Variants in C10orf95 observed in about 807,000 individuals in gnomAD.
The protein encoded by C10orf95 is chromosome 10 open reading frame 95, also known as uncharacterized protein C10orf95.
For synonymous variants in C10orf95, 188 were observed against 160.4 expected (o/e 1.17, Z -1.30); for missense variants, 412 against 327.4 (o/e 1.26, Z -1.99).
Position 102,451,036 on chromosome 10 carries a change from G to T in C10orf95, c.58C>A (p.Leu20Met). The T allele has an allele frequency of 7.3e-7, 1 of 1,363,028 alleles. No homozygotes were observed. Among genetic ancestry groups the T allele is most frequent in the Non-Finnish European group, 9.5e-7 (1 of 1,057,012 alleles). 84.4% of individuals were successfully genotyped at this position (1,363,028 alleles called of 1,614,324 possible). ...KQGVWPPPPQLLTCTYLAAPL... is the reference protein window; with the variant it reads ...KQGVWPPPPQMLTCTYLAAPL... ...GCGGCCAGGTAGGTGCAGGTGAGCA[G>T]CTGCGGCGGCGGCGGCCAGACGCCC... Residue 20 changes from leucine to methionine, a missense_variant, in exon 2 of 2, where the codon CTG becomes ATG. Coordinates refer to ENST00000625129, the MANE Select transcript of C10orf95 (RefSeq NM_001363580.1).
chr10:102,451,524 G>A lies in C10orf95; in HGVS notation c.-193C>T, dbSNP rs749157212. 4 of 1,333,612 alleles carry A rather than the reference G, an allele frequency of 3.0e-6. No homozygotes were observed. The Admixed American group carries it at 8.0e-5, about 27-fold the overall frequency. 82.6% of individuals were successfully genotyped at this position (1,333,612 alleles called of 1,614,324 possible). A position where few individuals can be genotyped will look rare whatever the true frequency, so the allele number is the denominator to read the frequency against. Reference sequence around the variant, plus strand: ...AGGCAAAAGGAAACACCTTGAGCTGGCCAGGAGCTACCAGCGTCTGTCTAC... The same window carrying A: ...AGGCAAAAGGAAACACCTTGAGCTGACCAGGAGCTACCAGCGTCTGTCTAC... On this transcript the variant is annotated 5_prime_UTR_variant, in exon 1 of 2. Coordinates refer to ENST00000625129, the MANE Select transcript of C10orf95 (RefSeq NM_001363580.1).
At position 102,450,823 on chromosome 10, in the gene C10orf95, CGGCGCA is replaced by C. The variant is rs2061687741; in HGVS notation, c.265_270del (p.Cys89_Ala90del). 2 of 1,247,518 alleles carry C rather than the reference CGGCGCA, an allele frequency of 1.6e-6. No individual in the cohort carries two copies. Among genetic ancestry groups the C allele is most frequent in the African/African-American group, 3.1e-5 (2 of 63,946 alleles). The allele number at this position is 1,247,518 out of a possible 1,614,324, so 77.3% of individuals were successfully genotyped here. ...AGCGACAGTCCCGAGATGCCGGCGG[CGGCGCA>C]GGGCCGGCGCAGGGTCGTGGCGTAG... On this transcript the variant is annotated inframe_deletion, in exon 2 of 2. Coordinates refer to ENST00000625129, the MANE Select transcript of C10orf95 (RefSeq NM_001363580.1).
In C10orf95 at chr10:102,451,129, G is replaced by T. The variant is rs377649213; in HGVS notation, c.-36C>A. On this transcript the variant is annotated 5_prime_UTR_variant, in exon 2 of 2. Coordinates refer to ENST00000625129, the MANE Select transcript of C10orf95 (RefSeq NM_001363580.1). The stretch of plus-strand genomic sequence containing the variant: ...CCAGGCGGCTGCTGTTCTTACTGGG[G>T]GCTCCTGCGGATCCAGACCTGCGGC... 113 of 1,439,058 alleles carry T rather than the reference G, an allele frequency of 7.9e-5. 1 individual carries two copies. In the East Asian group the frequency reaches 2.3e-3, roughly 29 times the overall value. 89.1% of individuals were successfully genotyped at this position (1,439,058 alleles called of 1,614,324 possible).
Position 102,450,416 on chromosome 10 carries a change from G to T in C10orf95, c.*36C>A, listed in dbSNP as rs1469983608. On this transcript the variant is annotated 3_prime_UTR_variant, in exon 2 of 2. Coordinates refer to ENST00000625129, the MANE Select transcript of C10orf95 (RefSeq NM_001363580.1). ...GCACACACAGGAAAGAGCCAAGCGC[G>T]TGCACGCGGGCCCGCCCCTAGGCCT... is the stretch of plus-strand genomic sequence containing the variant. 1 of 1,524,632 alleles carries T rather than the reference G, an allele frequency of 6.6e-7. No homozygotes were observed. Among genetic ancestry groups the T allele is most frequent in the Non-Finnish European group, 8.8e-7 (1 of 1,138,514 alleles). 94.4% of individuals were successfully genotyped at this position (1,524,632 alleles called of 1,614,324 possible).
chr10:102,451,321 G>T, intron 1 of C10orf95, 65 bp downstream of exon 1: 1 of 1,513,262 alleles, frequency 6.6e-7, no homozygotes, highest in East Asian at 2.3e-5. Flanking sequence ...CAGGCTCCCA[G>T]CAGACAATAA....
In C10orf95 at chr10:102,450,865, A is replaced by G; in HGVS notation, c.229T>C (p.Cys77Arg). The G allele has an allele frequency of 8.1e-7, 1 of 1,233,542 alleles. No homozygotes were observed. The allele number at this position is 1,233,542 out of a possible 1,614,324, so 76.4% of individuals were successfully genotyped here. The change falls in exon 2 of 2, where the codon TGC becomes CGC. Residue 77 changes from cysteine (C) to arginine (R), a missense_variant. Coordinates refer to ENST00000625129, the MANE Select transcript of C10orf95 (RefSeq NM_001363580.1). The part of the protein sequence containing the change: ...PPEAAPPWWA[C>R]PPAYATTLRR... ...AGGGTCGTGGCGTAGGCCGGAGGGC[A>G]GGCCCACCAGGGCGGCGCGGCCTCG...
chr10:102,451,070 C>T lies in C10orf95; in HGVS notation c.24G>A (p.Pro8=). The change falls in exon 2 of 2, where the codon CCG becomes CCA. Residue 8 remains proline, a synonymous_variant. Transcript: ENST00000625129. MYVYSWP[P]PKQGVWPPPP... Reference sequence around the variant, plus strand: ...GCGGCGGCCAGACGCCCTGTTTGGGCGGCGGCCAGCTGTACACATACATGG... The same window carrying T: ...GCGGCGGCCAGACGCCCTGTTTGGGTGGCGGCCAGCTGTACACATACATGG... The T allele has an allele frequency of 7.4e-7, 1 of 1,358,856 alleles. No homozygotes were observed. Among genetic ancestry groups the T allele is most frequent in the Non-Finnish European group, 9.5e-7 (1 of 1,054,274 alleles). The allele number at this position is 1,358,856 out of a possible 1,614,324, so 84.2% of individuals were successfully genotyped here.
intron 1 of C10orf95, 74 bp from the exon 2 acceptor site, chr10:102,451,221 G>A (rs919310021): frequency 6.9e-7 from 1 of 1,439,802 alleles, no homozygotes; most frequent in Non-Finnish European, 9.1e-7. Context: ...CGGTTCCCCG[G>A]GACGCCGGTT....
In C10orf95 at chr10:102,449,904, C is replaced by T. The variant is rs1470476126; in HGVS notation, c.*548G>A. 1.2e-5 allele frequency: 2 copies of T among 167,110 alleles called. No homozygotes were observed. The highest frequency in any genetic ancestry group is 2.4e-5 in the African/African-American group (1 of 41,834). 10.4% of individuals were successfully genotyped at this position (167,110 alleles called of 1,614,324 possible). A position where few individuals can be genotyped will look rare whatever the true frequency, so the allele number is the denominator to read the frequency against. Reference sequence around the variant, plus strand: ...CCTGGTCTCCTGGGCTCAAGCGATCCGCCCGCCTCGGCCTCCCACAGTGCT... The same window carrying T: ...CCTGGTCTCCTGGGCTCAAGCGATCTGCCCGCCTCGGCCTCCCACAGTGCT... On this transcript the variant is annotated 3_prime_UTR_variant, in exon 2 of 2. Coordinates refer to ENST00000625129, the MANE Select transcript of C10orf95 (RefSeq NM_001363580.1).
intron 1 of C10orf95, 38 bp from the exon 2 acceptor site, chr10:102,451,185 C>CT (rs1490032344): frequency 6.8e-7 from 1 of 1,465,192 alleles, no homozygotes; most frequent in Non-Finnish European, 9.0e-7. Context: ...AGACTTTCTA[C>CT]TTAACCGCCT....
chr10:102,450,603 C>G lies in C10orf95; in HGVS notation c.491G>C (p.Gly164Ala), dbSNP rs897852715. The change falls in exon 2 of 2, where the codon GGC becomes GCC. Residue 164 changes from glycine (G) to alanine (A), a missense_variant. By Grantham distance (60) the Gly-to-Ala change is moderately conservative (BLOSUM62 0). Coordinates refer to ENST00000625129, the MANE Select transcript of C10orf95 (RefSeq NM_001363580.1). The part of the protein sequence containing the change: ...RADVRVTQRR[G>A]QFLLQATPRV... The stretch of plus-strand genomic sequence containing the variant: ...CGGCGTCGCCTGCAGCAGGAACTGG[C>G]CGCGGCGCTGGGTGACGCGCACGTC... The G allele has an allele frequency of 3.2e-6, 4 of 1,261,622 alleles. No homozygotes were observed. In the Admixed American group the frequency reaches 1.7e-4, roughly 53 times the overall value. The allele number at this position is 1,261,622 out of a possible 1,614,324, so 78.2% of individuals were successfully genotyped here.
Position 102,451,047 on chromosome 10 carries a change from G to A in C10orf95, c.47C>T (p.Pro16Leu). The A allele has an allele frequency of 7.4e-7, 1 of 1,356,864 alleles. No homozygotes were observed. The highest frequency in any genetic ancestry group is 9.5e-7 in the Non-Finnish European group (1 of 1,053,342). The allele number at this position is 1,356,864 out of a possible 1,614,324, so 84.1% of individuals were successfully genotyped here. The change falls in exon 2 of 2, where the codon CCG becomes CTG. Residue 16 changes from proline (P) to leucine (L), a missense_variant. By Grantham distance (98) the Pro-to-Leu change is moderately conservative (BLOSUM62 -3). Coordinates refer to ENST00000625129, the MANE Select transcript of C10orf95 (RefSeq NM_001363580.1). ...WPPPKQGVWP[P>L]PPQLLTCTYL... The stretch of plus-strand genomic sequence containing the variant: ...GGTGCAGGTGAGCAGCTGCGGCGGC[G>A]GCGGCCAGACGCCCTGTTTGGGCGG...
Position 102,450,363 on chromosome 10 carries a change from G to A in C10orf95, c.*89C>T, listed in dbSNP as rs985835980. 2.2e-5 allele frequency: 30 copies of A among 1,381,546 alleles called. No homozygotes were observed. Among genetic ancestry groups the A allele is most frequent in the Non-Finnish European group, 3.0e-5 (30 of 1,010,702 alleles). 85.6% of individuals were successfully genotyped at this position (1,381,546 alleles called of 1,614,324 possible). On this transcript the variant is annotated 3_prime_UTR_variant, in exon 2 of 2. Transcript: ENST00000625129. Reference sequence around the variant, plus strand: ...GCGCGTCCGCCTCCCGCGCACAGGTGAGGGCTCACTTCTGCCTGTCGGCGG... The same window carrying A: ...GCGCGTCCGCCTCCCGCGCACAGGTAAGGGCTCACTTCTGCCTGTCGGCGG...
In C10orf95 at chr10:102,450,927, C is replaced by T. The variant is rs1297890721; in HGVS notation, c.167G>A (p.Arg56Gln). The change falls in exon 2 of 2, where the codon CGG becomes CAG. Residue 56 changes from arginine to glutamine, a missense_variant. Arg to Gln is a conservative substitution (Grantham distance 43). Transcript: ENST00000625129. ...SLHAGEWAAPREYHRFYGPAA... is the reference protein window; with the variant it reads ...SLHAGEWAAPQEYHRFYGPAA... Reference sequence around the variant, plus strand: ...GGGGCCGTAGAAGCGGTGGTATTCCCGTGGGGCCGCCCACTCGCCCGCATG... The same window carrying T: ...GGGGCCGTAGAAGCGGTGGTATTCCTGTGGGGCCGCCCACTCGCCCGCATG... 9.6e-6 allele frequency: 12 copies of T among 1,248,698 alleles called. No homozygotes were observed. The highest frequency in any genetic ancestry group is 2.7e-4 in the Middle Eastern group (1 of 3,760). 77.4% of individuals were successfully genotyped at this position (1,248,698 alleles called of 1,614,324 possible).
rs752982406 is a variant in C10orf95, at chr10:102,451,483, ACTC to A, written c.-155_-153del. 27 of 1,393,170 alleles carry A rather than the reference ACTC, an allele frequency of 1.9e-5. No individual in the cohort carries two copies. In the East Asian group the frequency reaches 4.9e-4, roughly 26 times the overall value. 86.3% of individuals were successfully genotyped at this position (1,393,170 alleles called of 1,614,324 possible). A position where few individuals can be genotyped will look rare whatever the true frequency, so the allele number is the denominator to read the frequency against. ...CTCCGCTCCATGCCCTGCCTCAGCCACTCCTCCTGGTTACCAGGCAAAAGGAAA... is the reference window on the plus strand; with the variant it reads ...CTCCGCTCCATGCCCTGCCTCAGCCACTCCTGGTTACCAGGCAAAAGGAAA... On this transcript the variant is annotated 5_prime_UTR_variant, in exon 1 of 2. Coordinates refer to ENST00000625129, the MANE Select transcript of C10orf95 (RefSeq NM_001363580.1).
Position 102,451,040 on chromosome 10 carries a change from C to A in C10orf95, c.54G>T (p.Pro18=). ...CCAGGTAGGTGCAGGTGAGCAGCTGCGGCGGCGGCGGCCAGACGCCCTGTT... is the reference window on the plus strand; with the variant it reads ...CCAGGTAGGTGCAGGTGAGCAGCTGAGGCGGCGGCGGCCAGACGCCCTGTT... ...PPKQGVWPPP[P]QLLTCTYLAA... is the part of the protein sequence containing the mutation. The change falls in exon 2 of 2, where the codon CCG becomes CCT. Residue 18 remains proline (P), a synonymous_variant. Coordinates refer to ENST00000625129, the MANE Select transcript of C10orf95 (RefSeq NM_001363580.1). 7.4e-7 allele frequency: 1 copy of A among 1,355,154 alleles called. No individual in the cohort carries two copies. The highest frequency in any genetic ancestry group is 2.2e-5 in the South Asian group (1 of 44,544). 83.9% of individuals were successfully genotyped at this position (1,355,154 alleles called of 1,614,324 possible). A position where few individuals can be genotyped will look rare whatever the true frequency, so the allele number is the denominator to read the frequency against.
In C10orf95 at chr10:102,450,455, G is replaced by A. The variant is rs1270408827; in HGVS notation, c.639C>T (p.Ser213=). ...GCCCCTAGGCCTTGCGGCGGCTTCAGCTCAGGCCCTTGCTCTTCCTGGGGC... is the reference window on the plus strand; with the variant it reads ...GCCCCTAGGCCTTGCGGCGGCTTCAACTCAGGCCCTTGCTCTTCCTGGGGC... ...RGRPRKSKGL[S] The change falls in exon 2 of 2, where the codon AGC becomes AGT. Residue 213 remains serine (S), a synonymous_variant. Transcript: ENST00000625129. 1 of 1,518,446 alleles carries A rather than the reference G, an allele frequency of 6.6e-7. No individual in the cohort carries two copies. The highest frequency in any genetic ancestry group is 8.8e-7 in the Non-Finnish European group (1 of 1,136,502). 94.1% of individuals were successfully genotyped at this position (1,518,446 alleles called of 1,614,324 possible). A position where few individuals can be genotyped will look rare whatever the true frequency, so the allele number is the denominator to read the frequency against.
rs1449232121 is a variant in C10orf95, at chr10:102,449,880, C to G, written c.*572G>C. Reference sequence around the variant, plus strand: ...CATGTTGCCTAGGCTGGTCTCCAACCTGGTCTCCTGGGCTCAAGCGATCCG... The same window carrying G: ...CATGTTGCCTAGGCTGGTCTCCAACGTGGTCTCCTGGGCTCAAGCGATCCG... On this transcript the variant is annotated 3_prime_UTR_variant, in exon 2 of 2. Coordinates refer to ENST00000625129, the MANE Select transcript of C10orf95 (RefSeq NM_001363580.1). The G allele has an allele frequency of 6.4e-6, 1 of 156,658 alleles. No homozygotes were observed. Among genetic ancestry groups the G allele is most frequent in the Non-Finnish European group, 1.4e-5 (1 of 70,778 alleles). The allele number at this position is 156,658 out of a possible 1,614,324, so 9.7% of individuals were successfully genotyped here.
At position 102,450,779 on chromosome 10, in the gene C10orf95, C is replaced by CACCGCCGCG; in HGVS notation, c.306_314dup (p.Ala104_Ala106dup). The CACCGCCGCG allele has an allele frequency of 4.7e-6, 6 of 1,284,530 alleles. No homozygotes were observed. Among genetic ancestry groups the CACCGCCGCG allele is most frequent in the Non-Finnish European group, 3.9e-6 (4 of 1,016,034 alleles). The allele number at this position is 1,284,530 out of a possible 1,614,324, so 79.6% of individuals were successfully genotyped here. A position where few individuals can be genotyped will look rare whatever the true frequency, so the allele number is the denominator to read the frequency against. ...CCGGCCACGGCGCCCAGCTCTCGGC[C>CACCGCCGCG]ACCGCCGCGGGCGCCTGCAGCGACA... On this transcript the variant is annotated inframe_insertion, in exon 2 of 2. Transcript: ENST00000625129.
Sources: gnomAD v4.1 joint callset for allele counts on GRCh38, gnomAD v4.1.1 for gene constraint, MANE v1.5 for transcripts, NCBI Gene and HGNC (gene_info 2026-07-23, HGNC 2026-07-21) for gene names.